Variants in DNAH3 observed in about 807,000 individuals in gnomAD.
The protein encoded by DNAH3 is axonemal beta dynein heavy chain 3.
In DNAH3, 332 loss-of-function variants were observed where a neutral mutation model predicts 432.5. The ratio of observed to expected loss-of-function variants is 0.77; its 90% CI spans 0.70 to 0.84. The LOEUF is 0.84. DNAH3 is among the 40% of genes least tolerant of loss of function. The probability of loss-of-function intolerance (pLI) is 0.00; values close to 1 mark genes in which losing one functional copy is unlikely to be tolerated. For missense variants in DNAH3, 4,861 were observed against 5,114.0 expected, an observed-to-expected ratio of 0.95 and a Z score of 1.51; for synonymous variants, 1,956 against 1,900.2, an observed-to-expected ratio of 1.03 and a Z score of -0.76.
intron 53 of DNAH3, among the ~76,000 whole-genome samples, chr16:20,961,169 G>A (rs1450848487): frequency 6.6e-6 from 1 of 152,168 alleles, no homozygotes; most frequent in Non-Finnish European, 1.5e-5. Context: ...TCTCTGTTAC[G>A]AACTGCATCG....
At chr16:21,040,750 T>C (rs1267147992) in intron 32 of DNAH3, among the ~76,000 whole-genome samples, 1 of 150,826 alleles carries the variant, frequency 6.6e-6, no homozygotes, top group Non-Finnish European at 1.5e-5. Flanking sequence ...TTCTTTCATC[T>C]CAAAACAGAC....
At chr16:20,963,941 C>T (rs1376216497) in exon 53 of DNAH3, 7 of 1,614,070 alleles carry the variant, frequency 4.3e-6, no homozygotes, top group East Asian at 4.5e-5. Flanking sequence ...TACATCGGCT[C>T]GATGTTGGCC....
At chr16:21,108,246 GGGTGT>G (rs1457301342) in intron 14 of DNAH3, among the ~76,000 whole-genome samples, 22 of 152,270 alleles carry the variant, frequency 1.4e-4, no homozygotes, top group African/African-American at 5.3e-4. Context: ...TGCCAACCTG[GGGTGT>G]CTGCATTCTT....
rs374998758 is a variant in DNAH3 at position 21,075,172 on chromosome 16, G to A, written c.3084+275C>T. ...GGTGTACAAGCCTGCACCTTCACTGGGAGGTGCTGATTTAGAGGCTTGCTT... is the reference window on the plus strand; with the variant it reads ...GGTGTACAAGCCTGCACCTTCACTGAGAGGTGCTGATTTAGAGGCTTGCTT... On this transcript the variant is annotated intron_variant, in intron 21 of 61. Transcript: ENST00000261383. 3.5e-3 allele frequency among the ~76,000 whole-genome samples: 532 copies of A among 152,268 alleles called. 2 individuals are homozygous for A. The highest frequency in any genetic ancestry group is 5.6e-3 in the Non-Finnish European group (382 of 68,028).
intron 21 of DNAH3, among the ~76,000 whole-genome samples, chr16:21,071,728 T>C (rs939646663): frequency 6.6e-6 from 1 of 151,568 alleles, no homozygotes; most frequent in Non-Finnish European, 1.5e-5. Flanking sequence ...TCTCTAAAAA[T>C]TTTTTTTTTA....
intron 26 of DNAH3, 28 bp from the exon 27 acceptor site, chr16:21,058,224 G>T: frequency 7.2e-7 from 1 of 1,394,602 alleles, no homozygotes; most frequent in Non-Finnish European, 1.0e-6. Context: ...GCATGTTATA[G>T]GATCAGTTCA....
intron 15 of DNAH3, 121 bp from the exon 16 acceptor site, chr16:21,104,715 A>G: frequency 1.6e-6 from 1 of 620,152 alleles, no homozygotes; most frequent in South Asian, 1.8e-5. Context: ...CAATGAACAC[A>G]TGGATGAGTG....
Position 20,963,283 on chromosome 16 carries a change from C to T in DNAH3, c.10600+1G>A. 6.2e-7 allele frequency: 1 copy of T among 1,612,302 alleles called. No homozygotes were observed. The highest frequency in any genetic ancestry group is 1.1e-5 in the South Asian group (1 of 90,974). ...TCTCTCCCACAACACTCTGTTCTTACCTGCCATTGGGTCTGCACTTGGAGA... is the reference window on the plus strand; with the variant it reads ...TCTCTCCCACAACACTCTGTTCTTATCTGCCATTGGGTCTGCACTTGGAGA... On this transcript the variant is annotated splice_donor_variant, in intron 53 of 61. Transcript: ENST00000261383. LOFTEE classifies it high-confidence loss of function.
intron 25 of DNAH3, among the ~76,000 whole-genome samples, chr16:21,061,515 C>T (rs565091241): frequency 2.0e-5 from 3 of 152,114 alleles, no homozygotes; most frequent in Admixed American, 6.6e-5. Flanking sequence ...CAAGCCACCA[C>T]GCCCGGCCCA....
At chr16:21,073,963 C>G (rs569474841) in intron 21 of DNAH3, among the ~76,000 whole-genome samples, 1 of 152,198 alleles carries the variant, frequency 6.6e-6, no homozygotes, top group Non-Finnish European at 1.5e-5. Flanking sequence ...CATTCTTCAT[C>G]AAACCTAAGC....
intron 41 of DNAH3, among the ~76,000 whole-genome samples, chr16:21,010,292 T>G (rs2087528371): frequency 6.6e-6 from 1 of 152,158 alleles, no homozygotes; most frequent in Non-Finnish European, 1.5e-5. Flanking sequence ...AATTCAGGAA[T>G]GGATTGGTAA....
chr16:20,947,040 G>A (rs1054646991), intron 57 of DNAH3, among the ~76,000 whole-genome samples: 2 of 151,782 alleles, frequency 1.3e-5, no homozygotes, highest in Non-Finnish European at 2.9e-5. Flanking sequence ...GGCCAGGCTG[G>A]TCTCAAACTC....
At chr16:20,957,830 A>G (rs1395689733) in intron 54 of DNAH3, among the ~76,000 whole-genome samples, 4 of 81,440 alleles carry the variant, frequency 4.9e-5, no homozygotes, top group South Asian at 8.9e-4. Flanking sequence ...AAAAAAAAAA[A>G]AAAAAAAAAA....
chr16:20,985,512 C>G, exon 48 of DNAH3: 1 of 1,614,128 alleles, frequency 6.2e-7, no homozygotes, highest in Non-Finnish European at 8.5e-7. Flanking sequence ...CAATGGCAAA[C>G]CTGAACATGA....
chr16:20,969,983 C>A, exon 52 of DNAH3: 1 of 1,613,916 alleles, frequency 6.2e-7, no homozygotes. Context: ...GTCCCCCTCA[C>A]ATTCGTTCTG....
chr16:21,082,138 G>A (rs982076970), intron 19 of DNAH3, among the ~76,000 whole-genome samples: 3 of 151,754 alleles, frequency 2.0e-5, no homozygotes, highest in Admixed American at 6.6e-5. Context: ...GGCCTCAAGC[G>A]ATCCTCCCAC....
chr16:21,125,896 C>T (rs901732679), intron 8 of DNAH3, among the ~76,000 whole-genome samples: 5 of 152,202 alleles, frequency 3.3e-5, no homozygotes, highest in Non-Finnish European at 5.9e-5. Context: ...CCTGTAATCC[C>T]AGCACTTTGG....
chr16:20,967,859 G>C (rs754451570), intron 52 of DNAH3, among the ~76,000 whole-genome samples: 23 of 151,976 alleles, frequency 1.5e-4, no homozygotes, highest in Non-Finnish European at 3.2e-4. Context: ...CAGCCAGGGT[G>C]CAGAAGTACT....
intron 38 of DNAH3, among the ~76,000 whole-genome samples, chr16:21,026,574 GC>G (rs1478850234): frequency 6.6e-6 from 1 of 151,658 alleles, no homozygotes; most frequent in African/African-American, 2.4e-5. Context: ...GGTGGCGTGT[GC>G]TTGTAGTCCC....
Sources: gnomAD v4.1 joint callset for allele counts (sites outside exome capture counted in the v4.1 genomes callset) on GRCh38, gnomAD v4.1.1 for gene constraint, MANE v1.5 for transcripts, NCBI Gene and HGNC (gene_info 2026-07-23, HGNC 2026-07-21) for gene names.